Variants in WHAMM observed in about 807,000 individuals in gnomAD.
WHAMM encodes the protein WASP homolog-associated protein with actin, membranes and microtubules.
In WHAMM, 67 loss-of-function variants were observed where a neutral mutation model predicts 76.5. That is an observed-to-expected ratio of 0.88 (90% confidence interval 0.72 to 1.07). The LOEUF is 1.07. Ranked by LOEUF, WHAMM falls within the 50% of genes least tolerant of loss-of-function variation. The pLI is 0.00. For synonymous variants in WHAMM, 419 were observed against 422.1 expected, an observed-to-expected ratio of 0.99 and a Z score of 0.09; for missense variants, 1,021 against 1,051.1, an observed-to-expected ratio of 0.97 and a Z score of 0.40.
At chr15:82,812,774 C>G (rs901405116) in intron 1 of WHAMM, among the ~76,000 whole-genome samples, 2 of 152,054 alleles carry the variant, frequency 1.3e-5, no homozygotes, top group African/African-American at 4.8e-5. Flanking sequence ...AAGCGATTCT[C>G]TGCCTCAGCC....
intron 4 of WHAMM, among the ~76,000 whole-genome samples, chr15:82,818,588 A>G (rs758813568): frequency 1.4e-4 from 22 of 152,318 alleles, no homozygotes; most frequent in Non-Finnish European, 2.8e-4. Flanking sequence ...CAACCCAGCA[A>G]TGTTTTCACT....
Position 82,835,700 on chromosome 15 carries a change from C to G in WHAMM, c.*2164C>G, listed in dbSNP as rs1281511143. 13 of 152,428 alleles carry G rather than the reference C, an allele frequency of 8.5e-5. No individual in the cohort carries two copies. Among genetic ancestry groups the G allele is most frequent in the African/African-American group, 3.1e-4 (13 of 41,478 alleles). 9.4% of individuals were successfully genotyped at this position (152,428 alleles called of 1,614,324 possible). A position where few individuals can be genotyped will look rare whatever the true frequency, so the allele number is the denominator to read the frequency against. ...CCTGACTCTGCACTGGCCCCTGTACCTGCCGCTCCCACCCAGGTTCCCAGG... is the reference window on the plus strand; with the variant it reads ...CCTGACTCTGCACTGGCCCCTGTACGTGCCGCTCCCACCCAGGTTCCCAGG... On this transcript the variant is annotated 3_prime_UTR_variant, in exon 10 of 10. Transcript: ENST00000286760.
rs35667623 is a variant in WHAMM at position 82,817,948 on chromosome 15, G to A, written c.963G>A (p.Ala321=). 7.1e-3 allele frequency: 10,896 copies of A among 1,544,898 alleles called. 57 individuals are homozygous for A. Among genetic ancestry groups the A allele is most frequent in the Non-Finnish European group, 7.6e-3 (8,671 of 1,144,356 alleles). The stretch of plus-strand genomic sequence containing the variant: ...TGCAGAAAGAAATGGAACAGGATGC[G>A]AAGAGATTTGGTCAGGCTGCCTGGG... ...AGMQKEMEQD[A]KRFGQAAWAT... is the part of the protein sequence containing the mutation. Residue 321 remains alanine, a synonymous_variant, in exon 4 of 10, where the codon GCG becomes GCA. Coordinates refer to ENST00000286760, the MANE Select transcript of WHAMM (RefSeq NM_001080435.3).
At chr15:82,819,764 C>T (rs1161167373) in intron 5 of WHAMM, among the ~76,000 whole-genome samples, 3 of 152,198 alleles carry the variant, frequency 2.0e-5, no homozygotes, top group Admixed American at 6.5e-5. Flanking sequence ...GAGGCCGAGG[C>T]GGGCAGATCA....
chr15:82,812,615 CT>C (rs950485418), intron 1 of WHAMM, among the ~76,000 whole-genome samples: 1 of 152,194 alleles, frequency 6.6e-6, no homozygotes, highest in Non-Finnish European at 1.5e-5. Flanking sequence ...CTCAAACCTT[CT>C]TTTGGGTCCC....
rs1209578120 is a variant in WHAMM at position 82,834,153 on chromosome 15, C to T, written c.*617C>T. ...CCCAGGTTCAAGCAATTCTCTGTCT[C>T]AGCCTCCCGAGTAGCTGGGATTACA... On this transcript the variant is annotated 3_prime_UTR_variant, in exon 10 of 10. Coordinates refer to ENST00000286760, the MANE Select transcript of WHAMM (RefSeq NM_001080435.3). 4 of 152,840 alleles carry T rather than the reference C, an allele frequency of 2.6e-5. No individual in the cohort carries two copies. The highest frequency in any genetic ancestry group is 1.3e-4 in the Admixed American group (2 of 15,308). The allele number at this position is 152,840 out of a possible 1,614,324, so 9.5% of individuals were successfully genotyped here. A position where few individuals can be genotyped will look rare whatever the true frequency, so the allele number is the denominator to read the frequency against.
chr15:82,824,885 C>A (rs1166009218), intron 6 of WHAMM, among the ~76,000 whole-genome samples: 1 of 152,148 alleles, frequency 6.6e-6, no homozygotes, highest in Non-Finnish European at 1.5e-5. Context: ...CGCTAGGTGC[C>A]ATGGCTTATG....
At chr15:82,828,894 A>G (rs1287051424) in intron 8 of WHAMM, among the ~76,000 whole-genome samples, 2 of 152,180 alleles carry the variant, frequency 1.3e-5, no homozygotes, top group Non-Finnish European at 2.9e-5. Context: ...CAGTTTAATG[A>G]GCCACCTGTG....
In WHAMM at chr15:82,833,253, C is replaced by T. The variant is rs768347524; in HGVS notation, c.2147C>T (p.Ser716Phe). The change falls in exon 10 of 10, where the codon TCC becomes TTC. Residue 716 changes from serine (S) to phenylalanine (F), a missense_variant. Coordinates refer to ENST00000286760, the MANE Select transcript of WHAMM (RefSeq NM_001080435.3). ...GGATCTATGGATGAAGTGTTGGCCT[C>T]CTTAAGGCATGGCAGAGCTCCTCTC... ...CPGSMDEVLA[S>F]LRHGRAPLRK... The T allele has an allele frequency of 1.2e-6, 2 of 1,613,934 alleles. No individual in the cohort carries two copies. The highest frequency in any genetic ancestry group is 3.3e-5 in the Admixed American group (2 of 60,020).
rs930321681 is a variant in WHAMM, at chr15:82,833,169, A to G, written c.2123-60A>G. ...GGAGATTTCACAATTTCATAGCAGT[A>G]ATGTCCTGGGAAGGGAAAGTGTTTT... On this transcript the variant is annotated intron_variant, in intron 9 of 9. Transcript: ENST00000286760. The G allele has an allele frequency of 2.6e-6, 4 of 1,522,266 alleles. No individual in the cohort carries two copies. In the African/African-American group the frequency reaches 5.5e-5, roughly 21 times the overall value. 94.3% of individuals were successfully genotyped at this position (1,522,266 alleles called of 1,614,324 possible). A position where few individuals can be genotyped will look rare whatever the true frequency, so the allele number is the denominator to read the frequency against.
rs1271786400 is a variant in WHAMM at position 82,824,188 on chromosome 15, C to T, written c.1458+901C>T. Among the ~76,000 whole-genome samples, 49 of 55,168 alleles carry T rather than the reference C, an allele frequency of 8.9e-4. 1 individual carries two copies. Among genetic ancestry groups the T allele is most frequent in the Admixed American group, 6.5e-3 (35 of 5,392 alleles). 36.2% of individuals were successfully genotyped at this position (55,168 alleles called of 152,430 possible). A position where few individuals can be genotyped will look rare whatever the true frequency, so the allele number is the denominator to read the frequency against. ...TTTTTTTTTTTTTGAAACAGAGTCTCGCTCTGTCTCCTAGTCTGGAGTGCA... is the reference window on the plus strand; with the variant it reads ...TTTTTTTTTTTTTGAAACAGAGTCTTGCTCTGTCTCCTAGTCTGGAGTGCA... On this transcript the variant is annotated intron_variant, in intron 6 of 9. Coordinates refer to ENST00000286760, the MANE Select transcript of WHAMM (RefSeq NM_001080435.3).
intron 8 of WHAMM, among the ~76,000 whole-genome samples, chr15:82,830,059 C>T (rs566506326): frequency 1.3e-5 from 2 of 152,232 alleles, no homozygotes; most frequent in South Asian, 4.1e-4. Context: ...TGGATGTCGA[C>T]TGTGCTGGCA....
chr15:82,829,439 C>T (rs1035109460), intron 8 of WHAMM, among the ~76,000 whole-genome samples: 9 of 152,226 alleles, frequency 5.9e-5, no homozygotes, highest in African/African-American at 2.2e-4. Flanking sequence ...GGATGGAGAT[C>T]AGTTGGATGA....
intron 4 of WHAMM, among the ~76,000 whole-genome samples, 182 bp downstream of exon 4, chr15:82,818,271 TC>T (rs956472497): frequency 7.2e-5 from 11 of 152,148 alleles, no homozygotes; most frequent in African/African-American, 2.4e-4. Context: ...ATATTTCTCA[TC>T]CCCCCTCCCA....
Position 82,810,282 on chromosome 15 carries a change from CG to C in WHAMM, c.559del (p.Glu187SerfsTer29), listed in dbSNP as rs2050605388. On this transcript the variant is annotated frameshift_variant, in exon 1 of 10. Transcript: ENST00000286760. LOFTEE classifies it high-confidence loss of function. ...CGACTGCGAAAGCCCGCGCGAGTTC[CG>C]GGAGCGGGCCTTGCGCGCGCGGTGG... ...AADCESPREF[R>X]ERALRARWVE... is the part of the protein sequence containing the mutation. 2 of 1,366,638 alleles carry C rather than the reference CG, an allele frequency of 1.5e-6. No homozygotes were observed. Among genetic ancestry groups the C allele is most frequent in the African/African-American group, 1.5e-5 (1 of 65,550 alleles). 84.7% of individuals were successfully genotyped at this position (1,366,638 alleles called of 1,614,324 possible).
chr15:82,815,682 C>T (rs1210016774), intron 2 of WHAMM, among the ~76,000 whole-genome samples: 1 of 152,182 alleles, frequency 6.6e-6, no homozygotes, highest in Non-Finnish European at 1.5e-5. Flanking sequence ...TTCCCAAAAG[C>T]AGTAAATGAG....
At chr15:82,815,297 T>G (rs908426572) in intron 2 of WHAMM, among the ~76,000 whole-genome samples, 1 of 151,702 alleles carries the variant, frequency 6.6e-6, no homozygotes, top group Admixed American at 6.6e-5. Flanking sequence ...ACTTTCTGTC[T>G]CTGTGGATTT....
At position 82,831,012 on chromosome 15, in the gene WHAMM, A is replaced by G; in HGVS notation, c.2055A>G (p.Pro685=). Residue 685 remains proline, a synonymous_variant, in exon 9 of 10, where the codon CCA becomes CCG. Transcript: ENST00000286760. ...GFRAPVKDDQ[P]RPLVCESPAE... is the part of the protein sequence containing the mutation. ...GGGCTCCAGTGAAAGATGACCAGCCACGTCCTCTAGTGTGCGAATCACCTG... is the reference window on the plus strand; with the variant it reads ...GGGCTCCAGTGAAAGATGACCAGCCGCGTCCTCTAGTGTGCGAATCACCTG... The G allele has an allele frequency of 1.2e-6, 2 of 1,605,726 alleles. No individual in the cohort carries two copies. The highest frequency in any genetic ancestry group is 1.7e-6 in the Non-Finnish European group (2 of 1,178,818).
chr15:82,821,731 C>G (rs1167114153), intron 5 of WHAMM, among the ~76,000 whole-genome samples: 1 of 152,126 alleles, frequency 6.6e-6, no homozygotes, highest in Admixed American at 6.6e-5. Context: ...GAATCAAGTT[C>G]AAAACAAAAA....
Sources: allele counts gnomAD v4.1 joint callset (sites outside exome capture counted in the v4.1 genomes callset), GRCh38; gene constraint gnomAD v4.1.1; transcripts MANE v1.5; gene names NCBI Gene and HGNC (gene_info 2026-07-23, HGNC 2026-07-21).